Variants in STXBP4 observed in about 807,000 individuals in gnomAD.
STXBP4 encodes syntaxin-binding protein 4.
STXBP4 carries 55 observed loss-of-function variants against 76.1 expected under a neutral mutation model. The observed-to-expected ratio is 0.72, with a 90% CI of 0.58 to 0.91. The LOEUF is 0.91. Among genes scored for constraint, STXBP4 ranks in the 40% least tolerant of loss-of-function variants. The pLI, the probability that STXBP4 is intolerant of heterozygous loss-of-function variation, is 0.00. For missense variants in STXBP4, 618 were observed against 636.9 expected (o/e 0.97, Z 0.32); for synonymous variants, 201 against 220.2 (o/e 0.91, Z 0.77).
intron 10 of STXBP4, among the ~76,000 whole-genome samples, chr17:55,040,403 A>G (rs552968286): frequency 2.0e-5 from 3 of 152,286 alleles, no homozygotes; most frequent in East Asian, 3.9e-4. Flanking sequence ...GTCACACACA[A>G]TTTTATAAGG....
At chr17:55,138,894 A>T (rs1473635786) in intron 16 of STXBP4, among the ~76,000 whole-genome samples, 1 of 152,036 alleles carries the variant, frequency 6.6e-6, no homozygotes, top group Non-Finnish European at 1.5e-5. Context: ...CTATTAGTGA[A>T]CTATCACTGA....
intron 16 of STXBP4, among the ~76,000 whole-genome samples, chr17:55,090,877 G>C (rs1282971748): frequency 6.6e-6 from 1 of 151,194 alleles, no homozygotes; most frequent in African/African-American, 2.4e-5. Context: ...GTGTGTGTGT[G>C]TGTGTGTGTG....
the STXBP4 span, among the ~76,000 whole-genome samples, chr17:55,190,804 G>A: frequency 1.3e-5 from 2 of 152,226 alleles, no homozygotes; most frequent in East Asian, 3.9e-4. Flanking sequence ...AGGCATTAAT[G>A]TAATACAGTG....
At chr17:55,057,496 T>G (rs1351245566) in intron 12 of STXBP4, among the ~76,000 whole-genome samples, 1 of 152,164 alleles carries the variant, frequency 6.6e-6, no homozygotes. Flanking sequence ...TAAAGCAGCC[T>G]CTTTCTTCTT....
intron 16 of STXBP4, among the ~76,000 whole-genome samples, chr17:55,116,804 T>C (rs1157911993): frequency 1.3e-5 from 2 of 151,848 alleles, no homozygotes; most frequent in East Asian, 1.9e-4. Context: ...GGCTCTGTTA[T>C]GTGACCTAGA....
chr17:55,141,483 A>G, intron 17 of STXBP4, 116 bp downstream of exon 17: 1 of 775,166 alleles, frequency 1.3e-6, no homozygotes, highest in Non-Finnish European at 2.0e-6. Context: ...AAAAATTAGT[A>G]ACAAGAAATG....
chr17:55,074,289 T>A (rs944026778), intron 13 of STXBP4, among the ~76,000 whole-genome samples: 2 of 152,204 alleles, frequency 1.3e-5, no homozygotes, highest in African/African-American at 4.8e-5. Flanking sequence ...CTCACATTAT[T>A]CACTTAAACC....
At chr17:55,106,686 T>C (rs1044753310) in intron 16 of STXBP4, among the ~76,000 whole-genome samples, 1 of 152,228 alleles carries the variant, frequency 6.6e-6, no homozygotes, top group African/African-American at 2.4e-5. Context: ...CATTTGCTTG[T>C]CTGTAAAGGA....
intron 7 of STXBP4, among the ~76,000 whole-genome samples, chr17:55,002,400 T>C (rs185514452): frequency 1.3e-5 from 2 of 152,342 alleles, no homozygotes; most frequent in Non-Finnish European, 2.9e-5. Context: ...TTCTGTGAGA[T>C]ACTTAATAGT....
the STXBP4 span, among the ~76,000 whole-genome samples, chr17:55,207,390 C>T: frequency 6.6e-6 from 1 of 152,158 alleles, no homozygotes; most frequent in East Asian, 1.9e-4. Context: ...GGATGAGCTT[C>T]CAATACCCCA....
At chr17:55,000,219 C>CT in intron 6 of STXBP4, 6 of 985,364 alleles carry the variant, frequency 6.1e-6, no homozygotes, top group Non-Finnish European at 7.2e-6. Context: ...TCCTTAGCTT[C>CT]TTTCCCACAC....
At chr17:55,113,014 A>G (rs1855924809) in intron 16 of STXBP4, among the ~76,000 whole-genome samples, 1 of 152,108 alleles carries the variant, frequency 6.6e-6, no homozygotes, top group South Asian at 2.1e-4. Flanking sequence ...CACAAATACA[A>G]TTTACTCGAA....
chr17:55,117,905 T>C (rs1305551418), intron 16 of STXBP4, among the ~76,000 whole-genome samples: 2 of 151,988 alleles, frequency 1.3e-5, no homozygotes, highest in Non-Finnish European at 2.9e-5. Flanking sequence ...GAATGAGGAA[T>C]AAAACAGACA....
the STXBP4 span, among the ~76,000 whole-genome samples, chr17:55,204,813 AACACACACAC>A: frequency 1.4e-5 from 1 of 73,094 alleles, no homozygotes; most frequent in Non-Finnish European, 2.5e-5. Context: ...TTCAAGATTA[AACACACACAC>A]ACACACACAC....
chr17:54,977,718 A>G (rs2077492531), intron 1 of STXBP4, among the ~76,000 whole-genome samples: 1 of 152,240 alleles, frequency 6.6e-6, no homozygotes, highest in Non-Finnish European at 1.5e-5. Context: ...CCTTAGGATT[A>G]TATAAATAGC....
At chr17:55,198,584 T>G in the STXBP4 span, among the ~76,000 whole-genome samples, 1 of 152,210 alleles carries the variant, frequency 6.6e-6, no homozygotes, top group Non-Finnish European at 1.5e-5. Flanking sequence ...AACCCATGAT[T>G]TTTTGTTTAT....
intron 12 of STXBP4, among the ~76,000 whole-genome samples, chr17:55,054,752 TAC>T (rs1007823295): frequency 3.3e-5 from 5 of 152,066 alleles, no homozygotes; most frequent in Non-Finnish European, 7.4e-5. Flanking sequence ...CAACAAATAT[TAC>T]AAATAATAGA....
rs368358076 is a variant in STXBP4, at chr17:55,087,303, T to G, written c.1489+6120T>G. ...TAATCTCATTTGTTTATTTTGCTTT[T>G]GTTGCCTGTGCTTTTGAGGTCTCAT... On this transcript the variant is annotated intron_variant, in intron 16 of 17. Coordinates refer to ENST00000376352, the MANE Select transcript of STXBP4 (RefSeq NM_178509.6). 1.5e-3 allele frequency among the ~76,000 whole-genome samples: 222 copies of G among 152,348 alleles called. 7 individuals carry two copies. The South Asian group carries it at 0.045, about 31-fold the overall frequency.
intron 16 of STXBP4, among the ~76,000 whole-genome samples, chr17:55,111,195 C>A (rs1368364931): frequency 6.6e-6 from 1 of 152,138 alleles, no homozygotes; most frequent in Non-Finnish European, 1.5e-5. Flanking sequence ...CCATGTCACT[C>A]CCCTGGTCAA....
Sources: gnomAD v4.1 joint callset for allele counts (sites outside exome capture counted in the v4.1 genomes callset) on GRCh38, gnomAD v4.1.1 for gene constraint, MANE v1.5 for transcripts, NCBI Gene and HGNC (gene_info 2026-07-23, HGNC 2026-07-21) for gene names.